MYO18A: variants seen among roughly 807,000 people sequenced by gnomAD.
MYO18A encodes myosin XVIIIA, also known as unconventional myosin-XVIIIa.
A neutral mutation model predicts 235.8 loss-of-function variants in MYO18A; 78 were observed. The observed-to-expected ratio is 0.33, with a 90% CI of 0.28 to 0.40. The LOEUF (loss-of-function observed/expected upper bound fraction) is 0.40, where lower values mean the gene tolerates loss of function less well. Among genes scored for constraint, MYO18A ranks in the 10% least tolerant of loss-of-function variants. The pLI is 1.00. For synonymous variants in MYO18A, 977 were observed against 1,077.8 expected (o/e 0.91, Z 1.83); for missense variants, 2,215 against 2,699.3 (o/e 0.82, Z 3.98).
At chr17:29,089,413 C>A (rs1425967117) in intron 37 of MYO18A, among the ~76,000 whole-genome samples, 1 of 77,928 alleles carries the variant, frequency 1.3e-5, no homozygotes, top group African/African-American at 5.6e-5. Context: ...GAGTGAGACT[C>A]TGTCTCAAAA....
intron 2 of MYO18A, chr17:29,129,022 C>T (rs1172434249): frequency 4.7e-6 from 6 of 1,287,638 alleles, no homozygotes; most frequent in Non-Finnish European, 6.1e-6. Context: ...ATTCCTACCA[C>T]CAATCCCAGG....
rs1418871071 is a variant in MYO18A, at chr17:29,073,102, AGAGAGAGG to A, written c.*1660_*1667del. The stretch of plus-strand genomic sequence containing the variant: ...AAGAGAATGAAAGAAAGAAAGAGAG[AGAGAGAGG>A]GAGAGAGGGAGGGACGGAAGGAGGA... On this transcript the variant is annotated 3_prime_UTR_variant, in exon 42 of 42. Transcript: ENST00000527372. 1.3e-5 allele frequency: 2 copies of A among 150,698 alleles called. No homozygotes were observed. The highest frequency in any genetic ancestry group is 4.9e-5 in the African/African-American group (2 of 40,706). The allele number at this position is 150,698 out of a possible 1,614,324, so 9.3% of individuals were successfully genotyped here. A position where few individuals can be genotyped will look rare whatever the true frequency, so the allele number is the denominator to read the frequency against.
In MYO18A at chr17:29,117,416, C is replaced by A. The variant is rs1341896014; in HGVS notation, c.2038+629G>T. ...TGGGGAAAACTGGTCTGGGGAGGCC[C>A]CAGGTAGCAAGCCCACCCTACCCCA... On this transcript the variant is annotated intron_variant, in intron 10 of 41. Coordinates refer to ENST00000527372, the MANE Select transcript of MYO18A (RefSeq NM_078471.4). This position sits in a 1 kb window ranked among gnomAD's most constrained non-coding sequence, Gnocchi z 4.6. Among the ~76,000 whole-genome samples, 1 of 152,116 alleles carries A rather than the reference C, an allele frequency of 6.6e-6. No homozygotes were observed. The highest frequency in any genetic ancestry group is 1.5e-5 in the Non-Finnish European group (1 of 68,002).
intron 20 of MYO18A, among the ~76,000 whole-genome samples, chr17:29,104,304 A>T (rs553322540): frequency 6.6e-6 from 1 of 152,288 alleles, no homozygotes; most frequent in South Asian, 2.1e-4. Flanking sequence ...GGCCCAAGGG[A>T]AAGAGAAGAG....
In MYO18A at chr17:29,090,875, G is replaced by A. The variant is rs374863955; in HGVS notation, c.5239C>T (p.Arg1747Trp). The stretch of plus-strand genomic sequence containing the variant: ...ATGTCTTCCTGATCTTCCTCCAGCC[G>A]GTTCTGGATCTCATTCTTCTCACGC... ...LQREKNEIQN[R>W]LEEDQEDMNE... Residue 1747 changes from arginine to tryptophan, a missense_variant, in exon 35 of 42, where the codon CGG becomes TGG. Coordinates refer to ENST00000527372, the MANE Select transcript of MYO18A (RefSeq NM_078471.4). 37 of 1,613,916 alleles carry A rather than the reference G, an allele frequency of 2.3e-5. No individual in the cohort carries two copies. The highest frequency in any genetic ancestry group is 8.0e-5 in the African/African-American group (6 of 74,934).
chr17:29,171,445 A>T (rs989873082), intron 1 of MYO18A, among the ~76,000 whole-genome samples: 1 of 152,196 alleles, frequency 6.6e-6, no homozygotes. Flanking sequence ...ATCTCAAAAA[A>T]AAAAAGATTT....
intron 2 of MYO18A, among the ~76,000 whole-genome samples, chr17:29,133,065 A>G (rs983580069): frequency 2.0e-5 from 3 of 152,102 alleles, no homozygotes; most frequent in Non-Finnish European, 4.4e-5. Context: ...TTCCAAGTCC[A>G]CTCTGTGTTC....
At chr17:29,173,315 C>T (rs1025104347) in intron 1 of MYO18A, among the ~76,000 whole-genome samples, 1 of 151,828 alleles carries the variant, frequency 6.6e-6, no homozygotes, top group African/African-American at 2.4e-5. Context: ...TGGTCTTGAA[C>T]TCCTGACCTC....
intron 17 of MYO18A, 148 bp from the exon 18 acceptor site, chr17:29,110,770 T>C (rs1385404439): frequency 1.3e-6 from 1 of 787,488 alleles, no homozygotes; most frequent in East Asian, 2.8e-5. Flanking sequence ...CCCCACACCC[T>C]ACAGAGAAAC....
chr17:29,096,033 G>A (rs2066511107), intron 28 of MYO18A, among the ~76,000 whole-genome samples: 1 of 152,202 alleles, frequency 6.6e-6, no homozygotes, highest in African/African-American at 2.4e-5. Context: ...TGGGGAGATG[G>A]TGGTTGGTCC....
Position 29,115,858 on chromosome 17 carries a change from G to C in MYO18A, c.2051-18C>G. The C allele has an allele frequency of 6.4e-7, 1 of 1,565,750 alleles. No homozygotes were observed. The highest frequency in any genetic ancestry group is 8.7e-7 in the Non-Finnish European group (1 of 1,155,722). ...GCGCCCAGCTGTGGAGTGGAAAAAG[G>C]GATCTGGCATCCTGGGTCTTTTTCC... On this transcript the variant is annotated intron_variant, in intron 11 of 41. Transcript: ENST00000527372.
intron 1 of MYO18A, among the ~76,000 whole-genome samples, chr17:29,172,321 T>C (rs1222238681): frequency 6.6e-6 from 1 of 151,844 alleles, no homozygotes; most frequent in Non-Finnish European, 1.5e-5. Context: ...TAAAAATAGC[T>C]GGGCATGGTG....
In MYO18A at chr17:29,092,232, C is replaced by T; in HGVS notation, c.5187+111G>A. The stretch of plus-strand genomic sequence containing the variant: ...GCAGCAAGTCCTGGCGTGAAAGGAC[C>T]TGTCACAAGTCCTGACGTGGAGGGA... On this transcript the variant is annotated intron_variant, in intron 34 of 41. Transcript: ENST00000527372. 1.7e-5 allele frequency: 13 copies of T among 744,576 alleles called. No individual in the cohort carries two copies. In the South Asian group the frequency reaches 2.2e-4, roughly 12 times the overall value. The allele number at this position is 744,576 out of a possible 1,614,324, so 46.1% of individuals were successfully genotyped here.
Position 29,121,510 on chromosome 17 carries a change from A to T in MYO18A, c.1371+37T>A. ...GCAGAGAGCCAGGGCAGGGGGTGGGACCAGGAGTCTGCAGGGTAGCCTTGA... is the reference window on the plus strand; with the variant it reads ...GCAGAGAGCCAGGGCAGGGGGTGGGTCCAGGAGTCTGCAGGGTAGCCTTGA... On this transcript the variant is annotated intron_variant, in intron 5 of 41. Coordinates refer to ENST00000527372, the MANE Select transcript of MYO18A (RefSeq NM_078471.4). The surrounding 1 kb of genome is among the most constrained non-coding windows in gnomAD (Gnocchi z 4.2). The T allele has an allele frequency of 6.4e-7, 1 of 1,560,054 alleles. No homozygotes were observed.
intron 22 of MYO18A, among the ~76,000 whole-genome samples, chr17:29,099,386 A>G (rs916673781): frequency 4.6e-5 from 7 of 152,146 alleles, no homozygotes; most frequent in Non-Finnish European, 8.8e-5. Flanking sequence ...GGAGCAGCCT[A>G]TGATCCGGAG....
At chr17:29,115,236 G>T in intron 13 of MYO18A, 115 bp downstream of exon 13, 1 of 1,429,546 alleles carries the variant, frequency 7.0e-7, no homozygotes, top group Non-Finnish European at 9.6e-7. Flanking sequence ...CATAGCCCAT[G>T]GGACAGGGAG....
Position 29,166,799 on chromosome 17 carries a change from G to A in MYO18A, c.142C>T (p.Leu48=), listed in dbSNP as rs1011516346. 3.1e-6 allele frequency: 5 copies of A among 1,609,200 alleles called. No individual in the cohort carries two copies. Among genetic ancestry groups the A allele is most frequent in the Non-Finnish European group, 4.2e-6 (5 of 1,177,940 alleles). The change falls in exon 2 of 42, where the codon CTG becomes TTG. Residue 48 remains leucine (L), a synonymous_variant. Coordinates refer to ENST00000527372, the MANE Select transcript of MYO18A (RefSeq NM_078471.4). The stretch of plus-strand genomic sequence containing the variant: ...GATTCACGCTTGGAGGAGCGGTTCA[G>A]GTTGAAGAAGCCACGTCGCAGGCTC... The part of the protein sequence containing the change: ...EMSLRRGFFN[L]NRSSKRESKT...
Position 29,096,919 on chromosome 17 carries a change from G to A in MYO18A, c.4231-4C>T, listed in dbSNP as rs1273708991. Reference sequence around the variant, plus strand: ...TATCTGCCTGCAGGTCCCCGAGCTAGGGGCCAAGATGGGGTGCATATACAG... The same window carrying A: ...TATCTGCCTGCAGGTCCCCGAGCTAAGGGCCAAGATGGGGTGCATATACAG... On this transcript the variant is annotated splice_region_variant and splice_polypyrimidine_tract_variant and intron_variant, in intron 27 of 41. Transcript: ENST00000527372. 9 of 1,559,394 alleles carry A rather than the reference G, an allele frequency of 5.8e-6. No homozygotes were observed. The highest frequency in any genetic ancestry group is 5.7e-5 in the Admixed American group (3 of 52,924).
chr17:29,161,010 G>A (rs979369571), intron 2 of MYO18A, among the ~76,000 whole-genome samples: 11 of 152,136 alleles, frequency 7.2e-5, no homozygotes, highest in Non-Finnish European at 4.4e-5. Context: ...TTGAGCTCAG[G>A]AGTTTGAGAC....
Sources: gnomAD v4.1 joint callset for allele counts (sites outside exome capture counted in the v4.1 genomes callset) on GRCh38, gnomAD v4.1.1 for gene constraint, Gnocchi (gnomAD v3.1) non-coding constraint, MANE v1.5 for transcripts, NCBI Gene and HGNC (gene_info 2026-07-23, HGNC 2026-07-21) for gene names.